Variants in GPHN observed in about 807,000 individuals in gnomAD.
GPHN encodes the protein gephyrin.
GPHN carries 17 observed loss-of-function variants against 95.5 expected under a neutral mutation model. That is an observed-to-expected ratio of 0.18 (90% confidence interval 0.12 to 0.27). The LOEUF (loss-of-function observed/expected upper bound fraction) is 0.27, where lower values mean the gene tolerates loss of function less well. GPHN is among the 10% of genes least tolerant of loss of function. The pLI, the probability that GPHN is intolerant of heterozygous loss-of-function variation, is 1.00. For missense variants in GPHN, 660 were observed against 978.1 expected (o/e 0.67, Z 4.34); for synonymous variants, 320 against 322.5 (o/e 0.99, Z 0.08).
the GPHN span, chr14:67,374,412 A>G: frequency 9.3e-7 from 1 of 1,074,854 alleles, no homozygotes; most frequent in Non-Finnish European, 1.3e-6. Context: ...AAAGCTGGTT[A>G]CAATAGTACA....
chr14:66,842,606 G>A (rs888856738), intron 4 of GPHN: 11 of 1,043,398 alleles, frequency 1.1e-5, no homozygotes, highest in Non-Finnish European at 1.6e-5. Context: ...AGTTTGTACA[G>A]CCCTAAATTT....
At chr14:66,785,024 A>C (rs974622470) in intron 3 of GPHN, among the ~76,000 whole-genome samples, 1 of 152,342 alleles carries the variant, frequency 6.6e-6, no homozygotes, top group Middle Eastern at 3.4e-3. Context: ...AAGCAATAGG[A>C]TACAGAAGGA....
chr14:67,725,905 A>C, the GPHN span: 1 of 716,620 alleles, frequency 1.4e-6, no homozygotes, highest in Non-Finnish European at 2.6e-6. Flanking sequence ...TTTTAAAAGG[A>C]AGGGGCAGAG....
intron 17 of GPHN, among the ~76,000 whole-genome samples, chr14:67,133,108 C>A (rs2079827474): frequency 6.6e-6 from 1 of 152,066 alleles, no homozygotes; most frequent in African/African-American, 2.4e-5. Flanking sequence ...TAGTTTGATT[C>A]CATACGTGAA....
intron 18 of GPHN, among the ~76,000 whole-genome samples, chr14:67,153,226 G>A (rs2153712272): frequency 6.6e-6 from 1 of 152,192 alleles, no homozygotes; most frequent in East Asian, 1.9e-4. Flanking sequence ...GCTGCAGTGA[G>A]CTGTGTTCAC....
intron 1 of GPHN, among the ~76,000 whole-genome samples, chr14:66,552,628 G>A (rs2059855665): frequency 1.3e-5 from 2 of 152,072 alleles, no homozygotes; most frequent in Non-Finnish European, 1.5e-5. Flanking sequence ...CATTCTCTCA[G>A]CTTTTGTTTA....
At chr14:67,403,747 T>C in the GPHN span, among the ~76,000 whole-genome samples, 969 of 152,304 alleles carry the variant, frequency 6.4e-3, 11 homozygotes, top group African/African-American at 0.021. Context: ...GGATCTCTGT[T>C]AAGTAAATAA....
chr14:66,815,206 A>G (rs1445141102), intron 3 of GPHN, among the ~76,000 whole-genome samples: 1 of 152,194 alleles, frequency 6.6e-6, no homozygotes, highest in Non-Finnish European at 1.5e-5. Flanking sequence ...GTGTCTCTGA[A>G]AGAGATGGGG....
At chr14:67,267,343 C>T in the GPHN span, among the ~76,000 whole-genome samples, 4 of 152,188 alleles carry the variant, frequency 2.6e-5, no homozygotes, top group East Asian at 7.8e-4. Flanking sequence ...ACTGCAACCT[C>T]TGCCTCCCAG....
intron 17 of GPHN, among the ~76,000 whole-genome samples, chr14:67,125,071 A>T (rs1045485479): frequency 3.9e-5 from 6 of 152,178 alleles, no homozygotes; most frequent in African/African-American, 1.4e-4. Context: ...ACAAATCTCT[A>T]GTGTATACCC....
chr14:66,574,627 G>A (rs1191922606), intron 1 of GPHN, among the ~76,000 whole-genome samples: 1 of 152,138 alleles, frequency 6.6e-6, no homozygotes, highest in African/African-American at 2.4e-5. Flanking sequence ...GAACATATAG[G>A]GAATTGGTAA....
intron 2 of GPHN, among the ~76,000 whole-genome samples, chr14:66,731,534 C>G (rs2071766339): frequency 6.6e-6 from 1 of 152,214 alleles, no homozygotes; most frequent in Admixed American, 6.5e-5. Context: ...CCCTAGAAAT[C>G]TGTGGAACTT....
chr14:67,670,138 G>C, the GPHN span, among the ~76,000 whole-genome samples: 3 of 152,236 alleles, frequency 2.0e-5, no homozygotes, highest in Admixed American at 2.0e-4. Flanking sequence ...CTGCCCAAAA[G>C]GCTCTTAACA....
chr14:67,731,473 CCAAAG>C, the GPHN span, among the ~76,000 whole-genome samples: 1 of 151,974 alleles, frequency 6.6e-6, no homozygotes, highest in Non-Finnish European at 1.5e-5. Flanking sequence ...CCTCAGCCTC[CCAAAG>C]TGCTGGGATT....
chr14:66,730,534 A>G (rs2071670723), intron 2 of GPHN, among the ~76,000 whole-genome samples: 1 of 152,202 alleles, frequency 6.6e-6, no homozygotes, highest in African/African-American at 2.4e-5. Context: ...TGGATAGACA[A>G]AAAAGTTAAT....
At chr14:67,662,575 T>A in the GPHN span, 4 of 1,557,466 alleles carry the variant, frequency 2.6e-6, no homozygotes, top group South Asian at 4.6e-5. Flanking sequence ...TATTACTGTT[T>A]CCACACATTT....
At chr14:67,543,332 T>C in the GPHN span, among the ~76,000 whole-genome samples, 1 of 152,228 alleles carries the variant, frequency 6.6e-6, no homozygotes, top group Non-Finnish European at 1.5e-5. Context: ...ACTAGAACTC[T>C]TGAACCTTGG....
At chr14:66,644,571 T>TA (rs1483033975) in intron 1 of GPHN, among the ~76,000 whole-genome samples, 1 of 152,136 alleles carries the variant, frequency 6.6e-6, no homozygotes, top group Non-Finnish European at 1.5e-5. Context: ...AATCAGTATT[T>TA]AAAGCACTTT....
intron 13 of GPHN, among the ~76,000 whole-genome samples, chr14:67,102,882 C>T (rs989086376): frequency 6.6e-6 from 1 of 152,132 alleles, no homozygotes; most frequent in Non-Finnish European, 1.5e-5. Context: ...AGGAGATTCG[C>T]ATGCAACTCT....
Sources: allele counts gnomAD v4.1 joint callset (sites outside exome capture counted in the v4.1 genomes callset), GRCh38; gene constraint gnomAD v4.1.1; transcripts MANE v1.5; gene names NCBI Gene and HGNC (gene_info 2026-07-23, HGNC 2026-07-21).